Variants in GNAQ observed in about 807,000 individuals in gnomAD.
The protein encoded by GNAQ is guanine nucleotide-binding protein G(q) subunit alpha.
GNAQ carries 8 observed loss-of-function variants against 43.9 expected under a neutral mutation model. The ratio of observed to expected loss-of-function variants is 0.18; its 90% CI spans 0.11 to 0.33. The LOEUF is 0.33. GNAQ is among the 10% of genes least tolerant of loss of function. The pLI, the probability that GNAQ is intolerant of heterozygous loss-of-function variation, is 1.00. For synonymous variants in GNAQ, 155 were observed against 170.7 expected, an observed-to-expected ratio of 0.91 and a Z score of 0.71; for missense variants, 158 against 450.8, an observed-to-expected ratio of 0.35 and a Z score of 5.88.
At chr9:77,764,852 AGT>A (rs1445305601) in intron 5 of GNAQ, among the ~76,000 whole-genome samples, 1 of 152,236 alleles carries the variant, frequency 6.6e-6, no homozygotes, top group Non-Finnish European at 1.5e-5. Context: ...AACAAGAACC[AGT>A]GTGTGATCTT....
chr9:77,999,633 C>T (rs1823619124), intron 1 of GNAQ, among the ~76,000 whole-genome samples: 2 of 152,216 alleles, frequency 1.3e-5, no homozygotes, highest in South Asian at 4.1e-4. Flanking sequence ...TCAAGCAAGC[C>T]TCTGGGAAGC....
intron 1 of GNAQ, among the ~76,000 whole-genome samples, chr9:77,994,146 A>C (rs1201284438): frequency 6.6e-6 from 1 of 152,032 alleles, no homozygotes; most frequent in African/African-American, 2.4e-5. Context: ...CCTCCAGAGT[A>C]GCTGGGACTA....
chr9:77,912,748 C>A (rs1396460809), intron 2 of GNAQ, among the ~76,000 whole-genome samples: 6 of 152,032 alleles, frequency 3.9e-5, no homozygotes, highest in Non-Finnish European at 2.9e-5. Context: ...AAGAGATAAC[C>A]AAATAGCCAG....
At chr9:78,002,904 A>G (rs941136282) in intron 1 of GNAQ, among the ~76,000 whole-genome samples, 2 of 152,178 alleles carry the variant, frequency 1.3e-5, no homozygotes, top group Non-Finnish European at 2.9e-5. Flanking sequence ...CTTTCAGTCT[A>G]CCATAGCATC....
At chr9:77,730,036 A>G (rs1036871425) in intron 5 of GNAQ, among the ~76,000 whole-genome samples, 1 of 152,244 alleles carries the variant, frequency 6.6e-6, no homozygotes, top group Non-Finnish European at 1.5e-5. Context: ...TTTAGCAGCC[A>G]TCTTGAAAAG....
At chr9:77,847,465 G>A (rs907833922) in intron 2 of GNAQ, among the ~76,000 whole-genome samples, 2 of 152,172 alleles carry the variant, frequency 1.3e-5, no homozygotes, top group Non-Finnish European at 2.9e-5. Flanking sequence ...CACGTCCTGT[G>A]GGCAGAGTGC....
chr9:77,873,303 C>T (rs1042592589), intron 2 of GNAQ, among the ~76,000 whole-genome samples: 4 of 152,166 alleles, frequency 2.6e-5, no homozygotes, highest in East Asian at 1.9e-4. Context: ...TACATTATTA[C>T]ATTTATTATC....
At chr9:77,805,754 G>A (rs1283398556) in intron 3 of GNAQ, among the ~76,000 whole-genome samples, 11 of 152,076 alleles carry the variant, frequency 7.2e-5, no homozygotes, top group Admixed American at 5.2e-4. Flanking sequence ...AAGATCACTC[G>A]GTAGCAGGTG....
intron 1 of GNAQ, among the ~76,000 whole-genome samples, chr9:78,022,984 G>T (rs1823929364): frequency 6.6e-6 from 1 of 152,170 alleles, no homozygotes; most frequent in Non-Finnish European, 1.5e-5. Context: ...TGAGAAGAGG[G>T]TTTTCAAATC....
intron 2 of GNAQ, among the ~76,000 whole-genome samples, chr9:77,870,816 A>AT (rs927248660): frequency 1.3e-5 from 2 of 152,186 alleles, no homozygotes; most frequent in Non-Finnish European, 2.9e-5. Context: ...GTACAAGCAC[A>AT]TTAAAAAAAA....
At chr9:77,966,365 C>G (rs945649710) in intron 1 of GNAQ, among the ~76,000 whole-genome samples, 1 of 152,116 alleles carries the variant, frequency 6.6e-6, no homozygotes, top group Admixed American at 6.5e-5. Context: ...GTTATTACAA[C>G]AAACTATAAG....
At chr9:77,761,841 A>C (rs1587904072) in intron 5 of GNAQ, among the ~76,000 whole-genome samples, 1 of 44,344 alleles carries the variant, frequency 2.3e-5, no homozygotes, top group Non-Finnish European at 5.3e-5. Context: ...CCCGTCCGGG[A>C]GGGAGGTGGG....
chr9:77,830,881 T>G (rs879777044), intron 2 of GNAQ, among the ~76,000 whole-genome samples: 2 of 152,050 alleles, frequency 1.3e-5, no homozygotes, highest in Non-Finnish European at 2.9e-5. Flanking sequence ...TGTGAACTTG[T>G]AAAACTTGAG....
chr9:77,990,629 G>A (rs1202948333), intron 1 of GNAQ, among the ~76,000 whole-genome samples: 1 of 152,166 alleles, frequency 6.6e-6, no homozygotes, highest in East Asian at 1.9e-4. Flanking sequence ...GTGCATATTT[G>A]AATGCATGTA....
chr9:77,969,985 G>A (rs551937543), intron 1 of GNAQ, among the ~76,000 whole-genome samples: 127 of 152,280 alleles, frequency 8.3e-4, no homozygotes, highest in African/African-American at 3.0e-3. Context: ...CTGGGAGGCA[G>A]AGGCGGGCAG....
At chr9:78,019,666 T>C (rs1823881562) in intron 1 of GNAQ, among the ~76,000 whole-genome samples, 1 of 152,098 alleles carries the variant, frequency 6.6e-6, no homozygotes, top group Non-Finnish European at 1.5e-5. Flanking sequence ...CTCAAGCCTA[T>C]AATCCCAACA....
At chr9:77,728,697 A>T (rs1825439276) in intron 5 of GNAQ, 30 bp from the exon 6 acceptor site, 2 of 1,487,166 alleles carry the variant, frequency 1.3e-6, no homozygotes, top group Non-Finnish European at 1.8e-6. Flanking sequence ...CAGAAAAAAC[A>T]AGGAGTGAAT....
intron 2 of GNAQ, among the ~76,000 whole-genome samples, chr9:77,876,974 ATATC>A (rs1290432266): frequency 6.6e-6 from 1 of 152,028 alleles, no homozygotes; most frequent in African/African-American, 2.4e-5. Context: ...ACAGACGGCC[ATATC>A]TATTATTATC....
At chr9:77,989,766 C>T (rs1823486347) in intron 1 of GNAQ, among the ~76,000 whole-genome samples, 1 of 152,166 alleles carries the variant, frequency 6.6e-6, no homozygotes. Flanking sequence ...GTGGGTGTTT[C>T]TGCTACCAGC....
Sources: allele counts gnomAD v4.1 joint callset (sites outside exome capture counted in the v4.1 genomes callset), GRCh38; gene constraint gnomAD v4.1.1; transcripts MANE v1.5; gene names NCBI Gene and HGNC (gene_info 2026-07-23, HGNC 2026-07-21).